CEP112: variants seen among roughly 807,000 people sequenced by gnomAD.
The protein encoded by CEP112 is centrosomal protein of 112 kDa.
Under a neutral mutation model 153.0 loss-of-function variants are expected in CEP112, and 127 were observed. The observed-to-expected ratio is 0.83, with a 90% CI of 0.72 to 0.96. The LOEUF is 0.96. Among genes scored for constraint, CEP112 ranks in the 40% least tolerant of loss-of-function variants. The probability of loss-of-function intolerance (pLI) is 0.00; values close to 1 mark genes in which losing one functional copy is unlikely to be tolerated. For synonymous variants in CEP112, 358 were observed against 374.4 expected, an observed-to-expected ratio of 0.96 and a Z score of 0.51; for missense variants, 1,089 against 1,101.2, an observed-to-expected ratio of 0.99 and a Z score of 0.16.
intron 8 of CEP112, among the ~76,000 whole-genome samples, chr17:66,073,825 C>A (rs115376980): frequency 0.017 from 2,559 of 152,024 alleles, 64 homozygotes; most frequent in African/African-American, 0.058. Flanking sequence ...CCTATAAGAA[C>A]AACAACAACA....
At chr17:65,739,935 C>T (rs1474976249) in intron 23 of CEP112, among the ~76,000 whole-genome samples, 1 of 151,978 alleles carries the variant, frequency 6.6e-6, no homozygotes, top group Non-Finnish European at 1.5e-5. Context: ...CCCTTTTTAC[C>T]AAACAATTTT....
intron 17 of CEP112, among the ~76,000 whole-genome samples, chr17:65,988,911 CA>C (rs930828019): frequency 5.3e-5 from 8 of 151,684 alleles, no homozygotes; most frequent in African/African-American, 1.9e-4. Context: ...GATAAATGTC[CA>C]GGTACAAGAA....
At chr17:65,850,672 C>T (rs1268342499) in intron 21 of CEP112, among the ~76,000 whole-genome samples, 31 of 152,100 alleles carry the variant, frequency 2.0e-4, no homozygotes, top group Non-Finnish European at 1.5e-5. Flanking sequence ...TCAAAATCTG[C>T]CAACTTCCTC....
intron 21 of CEP112, chr17:65,826,601 C>T: frequency 8.2e-7 from 1 of 1,216,870 alleles, no homozygotes; most frequent in Non-Finnish European, 1.0e-6. Flanking sequence ...CTCCCAGGGG[C>T]AGAAAATAGG....
chr17:66,052,892 A>G (rs957930252), intron 12 of CEP112, among the ~76,000 whole-genome samples: 2 of 152,106 alleles, frequency 1.3e-5, no homozygotes, highest in Non-Finnish European at 2.9e-5. Flanking sequence ...AGATCGCTTG[A>G]GTCCAGGAGT....
At chr17:66,100,942 C>T (rs1395863533) in intron 6 of CEP112, among the ~76,000 whole-genome samples, 1 of 151,854 alleles carries the variant, frequency 6.6e-6, no homozygotes. Flanking sequence ...ACTACTTTAT[C>T]TAAGGAACAT....
At chr17:65,983,787 G>A (rs6504381) in intron 17 of CEP112, among the ~76,000 whole-genome samples, 9,846 of 152,120 alleles carry the variant, frequency 0.065, 456 homozygotes, top group South Asian at 0.12. Flanking sequence ...TTATATCAAT[G>A]CAAAATGAAA....
At chr17:65,923,510 A>T (rs2060807588) in intron 19 of CEP112, among the ~76,000 whole-genome samples, 1 of 152,160 alleles carries the variant, frequency 6.6e-6, no homozygotes, top group African/African-American at 2.4e-5. Context: ...ATGCCACTGC[A>T]CTCCTGCCTG....
At chr17:66,079,347 T>C (rs2067626605) in intron 8 of CEP112, among the ~76,000 whole-genome samples, 1 of 152,058 alleles carries the variant, frequency 6.6e-6, no homozygotes, top group Non-Finnish European at 1.5e-5. Flanking sequence ...GGCAAAAAAT[T>C]AGAATAAAGT....
chr17:66,105,560 A>ACGGTGGGCAGATTG (rs1445682888), intron 6 of CEP112, among the ~76,000 whole-genome samples: 1 of 152,136 alleles, frequency 6.6e-6, no homozygotes, highest in Non-Finnish European at 1.5e-5. Context: ...TTGGGAGGCC[A>ACGGTGGGCAGATTG]CGGTGGGCAG....
At chr17:65,915,378 A>C (rs1022992315) in intron 19 of CEP112, among the ~76,000 whole-genome samples, 2 of 150,740 alleles carry the variant, frequency 1.3e-5, no homozygotes, top group African/African-American at 2.4e-5. Context: ...CCCTAGTCCC[A>C]GCCCGGTAAC....
At chr17:66,001,739 C>A (rs1487340208) in intron 17 of CEP112, among the ~76,000 whole-genome samples, 2 of 152,156 alleles carry the variant, frequency 1.3e-5, no homozygotes, top group South Asian at 4.2e-4. Flanking sequence ...AAGGAATAAA[C>A]CAAACTTATA....
intron 2 of CEP112, among the ~76,000 whole-genome samples, chr17:66,177,678 C>CT (rs1345978590): frequency 2.6e-5 from 4 of 152,146 alleles, no homozygotes; most frequent in African/African-American, 7.2e-5. Context: ...CGCATTCACT[C>CT]TATGTTTTTG....
intron 21 of CEP112, among the ~76,000 whole-genome samples, chr17:65,766,582 A>G (rs1311280687): frequency 6.6e-6 from 1 of 152,176 alleles, no homozygotes; most frequent in Admixed American, 6.5e-5. Context: ...CCAAAGACAC[A>G]GAGTAGTTCA....
intron 19 of CEP112, among the ~76,000 whole-genome samples, chr17:65,909,880 C>T (rs879862565): frequency 6.6e-6 from 1 of 152,086 alleles, no homozygotes; most frequent in Non-Finnish European, 1.5e-5. Flanking sequence ...GATTATTTTC[C>T]AGTATCCCAG....
chr17:66,122,530 T>C (rs749607755), intron 6 of CEP112, among the ~76,000 whole-genome samples: 2 of 152,346 alleles, frequency 1.3e-5, no homozygotes, highest in Middle Eastern at 3.4e-3. Flanking sequence ...GTGAAGACTT[T>C]GGAATCACCC....
intron 21 of CEP112, among the ~76,000 whole-genome samples, chr17:65,765,646 A>G (rs2052919126): frequency 6.6e-6 from 1 of 152,054 alleles, no homozygotes; most frequent in South Asian, 2.1e-4. Flanking sequence ...AAGGACCCCA[A>G]GAGCCTGTGC....
intron 23 of CEP112, among the ~76,000 whole-genome samples, chr17:65,733,270 T>C (rs1008615648): frequency 6.6e-6 from 1 of 152,166 alleles, no homozygotes; most frequent in Non-Finnish European, 1.5e-5. Flanking sequence ...CTCCCATGGG[T>C]GCAGTTTGTG....
rs543807602 is a variant in CEP112 at position 65,859,701 on chromosome 17, G to A, written c.2164-7667C>T. Among the ~76,000 whole-genome samples, 20 of 147,962 alleles carry A rather than the reference G, an allele frequency of 1.4e-4. No homozygotes were observed. The South Asian group carries it at 4.3e-3, about 32-fold the overall frequency. Reference sequence around the variant, plus strand: ...TCATCACTTGTATTCACAAGTGTATGACAAGAACATAAAAAAAAAAAACTG... The same window carrying A: ...TCATCACTTGTATTCACAAGTGTATAACAAGAACATAAAAAAAAAAAACTG... On this transcript the variant is annotated intron_variant, in intron 20 of 26. Transcript: ENST00000535342.
Sources: gnomAD v4.1 joint callset for allele counts (sites outside exome capture counted in the v4.1 genomes callset) on GRCh38, gnomAD v4.1.1 for gene constraint, MANE v1.5 for transcripts, NCBI Gene and HGNC (gene_info 2026-07-23, HGNC 2026-07-21) for gene names.